TMEM266: variants seen among roughly 807,000 people sequenced by gnomAD.
The protein encoded by TMEM266 is transmembrane protein 266, also known as Hv1 related protein 1.
In TMEM266, 33 loss-of-function variants were observed where a neutral mutation model predicts 50.5. That is an observed-to-expected ratio of 0.65 (90% CI 0.50 to 0.87). The LOEUF is 0.87. Among genes scored for constraint, TMEM266 ranks in the 40% least tolerant of loss-of-function variants. The pLI is 0.00. For missense variants in TMEM266, 655 were observed against 695.1 expected, an observed-to-expected ratio of 0.94 and a Z score of 0.65; for synonymous variants, 310 against 292.3, an observed-to-expected ratio of 1.06 and a Z score of -0.62.
chr15:76,133,078 A>G (rs1041100987), intron 1 of TMEM266, among the ~76,000 whole-genome samples: 3 of 151,948 alleles, frequency 2.0e-5, no homozygotes, highest in African/African-American at 7.3e-5. Flanking sequence ...GCAGTGAGCC[A>G]AGATCGCACC....
chr15:76,189,380 G>GGAAA (rs1156617655), intron 8 of TMEM266, among the ~76,000 whole-genome samples: 1 of 151,320 alleles, frequency 6.6e-6, no homozygotes, highest in Non-Finnish European at 1.5e-5. Context: ...AAGGAAGGAA[G>GGAAA]GAAAGAAGGA....
rs2038021912 is a variant in TMEM266 at position 76,161,775 on chromosome 15, C to T, written c.456+1607C>T. Among the ~76,000 whole-genome samples, 1 of 152,136 alleles carries T rather than the reference C, an allele frequency of 6.6e-6. No individual in the cohort carries two copies. Among genetic ancestry groups the T allele is most frequent in the Admixed American group, 6.5e-5 (1 of 15,286 alleles). On this transcript the variant is annotated intron_variant, in intron 5 of 10. Coordinates refer to ENST00000388942, the MANE Select transcript of TMEM266 (RefSeq NM_152335.3). This position sits in a 1 kb window ranked among gnomAD's most constrained non-coding sequence, Gnocchi z 4.1. ...AGTGCCTGCTCCCCAGCTTACAGCC[C>T]CCATGTGGGTCTTGCCCTCCCTGGC...
chr15:76,128,346 TC>T (rs2037455923), intron 1 of TMEM266, among the ~76,000 whole-genome samples: 2 of 152,324 alleles, frequency 1.3e-5, no homozygotes, highest in Admixed American at 1.3e-4. Context: ...GCCCTAAAAT[TC>T]CAAGGATATT....
At chr15:76,084,726 G>T (rs946786413) in intron 1 of TMEM266, among the ~76,000 whole-genome samples, 7 of 151,258 alleles carry the variant, frequency 4.6e-5, no homozygotes, top group African/African-American at 7.3e-5. Flanking sequence ...TCAACCTCCC[G>T]AGTAGCTGGG....
chr15:76,169,395 G>T (rs1465484735), intron 5 of TMEM266, among the ~76,000 whole-genome samples: 6 of 152,118 alleles, frequency 3.9e-5, no homozygotes, highest in Admixed American at 1.3e-4. Context: ...ACAAGGCCAT[G>T]AGAGAGAGAG....
chr15:76,139,198 T>C lies in TMEM266; in HGVS notation c.227+1303T>C, dbSNP rs1296005977. 6.6e-6 allele frequency among the ~76,000 whole-genome samples: 1 copy of C among 152,230 alleles called. No individual in the cohort carries two copies. The highest frequency in any genetic ancestry group is 1.5e-5 in the Non-Finnish European group (1 of 68,026). On this transcript the variant is annotated intron_variant, in intron 3 of 10. Transcript: ENST00000388942. The surrounding 1 kb of genome is among the most constrained non-coding windows in gnomAD (Gnocchi z 4.1). ...TTGCAGAGCTTGGATTCCCTGGGCT[T>C]GTTTCTGGAAGGAGCTTCCCACTTC... is the stretch of plus-strand genomic sequence containing the variant.
chr15:76,063,717 G>A (rs1817631219), intron 1 of TMEM266, among the ~76,000 whole-genome samples: 1 of 152,200 alleles, frequency 6.6e-6, no homozygotes, highest in Admixed American at 6.5e-5. Flanking sequence ...TGTGTATTTT[G>A]TTCACTCCCC....
At chr15:76,140,871 CAAAA>C (rs3068699) in intron 3 of TMEM266, among the ~76,000 whole-genome samples, 8,818 of 133,492 alleles carry the variant, frequency 0.066, 639 homozygotes, top group African/African-American at 0.18. Flanking sequence ...CCCATCTCTA[CAAAA>C]AAAAAAAAAA....
intron 1 of TMEM266, chr15:76,113,611 A>G (rs1378355023): frequency 3.3e-5 from 5 of 152,272 alleles, no homozygotes; most frequent in Non-Finnish European, 7.3e-5. Context: ...GTGGCAGCGT[A>G]TAGGATGTGC....
chr15:76,125,330 A>G (rs1429259605), intron 1 of TMEM266, among the ~76,000 whole-genome samples: 1 of 152,190 alleles, frequency 6.6e-6, no homozygotes. Context: ...AAAGGAAACA[A>G]CAAAATGAAA....
chr15:76,174,568 A>C (rs2038242527), intron 7 of TMEM266, among the ~76,000 whole-genome samples: 3 of 152,152 alleles, frequency 2.0e-5, no homozygotes, highest in Non-Finnish European at 4.4e-5. Flanking sequence ...TTCACAATTC[A>C]GTGGTTTCTA....
chr15:76,129,712 CTG>C (rs1302314098), intron 1 of TMEM266, among the ~76,000 whole-genome samples: 1 of 151,968 alleles, frequency 6.6e-6, no homozygotes, highest in Non-Finnish European at 1.5e-5. Context: ...ATAATCCAGA[CTG>C]TGGGAAACTT....
chr15:76,093,359 A>C (rs370201840), intron 1 of TMEM266, among the ~76,000 whole-genome samples: 1 of 150,094 alleles, frequency 6.7e-6, no homozygotes, highest in African/African-American at 2.5e-5. Context: ...TCATTGTTCA[A>C]CTCCCACTTA....
At chr15:76,076,567 G>A (rs904358728) in intron 1 of TMEM266, among the ~76,000 whole-genome samples, 1 of 151,994 alleles carries the variant, frequency 6.6e-6, no homozygotes, top group Admixed American at 6.6e-5. Flanking sequence ...ATCCCACTCA[G>A]GAAGAGTTTA....
At chr15:76,182,320 T>A (rs2038425254) in intron 8 of TMEM266, among the ~76,000 whole-genome samples, 1 of 151,946 alleles carries the variant, frequency 6.6e-6, no homozygotes, top group African/African-American at 2.4e-5. Context: ...TCTGGCCTGC[T>A]GGAGGCTTTC....
At chr15:76,138,153 C>T (rs1213459665) in intron 3 of TMEM266, among the ~76,000 whole-genome samples, 8 of 134,844 alleles carry the variant, frequency 5.9e-5, no homozygotes, top group Admixed American at 1.8e-4. Context: ...ACCCGAGAGG[C>T]GGAGGTTGCA....
chr15:76,166,978 G>A (rs2038106695), intron 5 of TMEM266, among the ~76,000 whole-genome samples: 2 of 152,204 alleles, frequency 1.3e-5, no homozygotes, highest in African/African-American at 4.8e-5. Flanking sequence ...AGGAGAAGAA[G>A]GGGGAGGAAG....
chr15:76,200,844 C>T (rs754607996), intron 9 of TMEM266, among the ~76,000 whole-genome samples: 4 of 152,166 alleles, frequency 2.6e-5, no homozygotes, highest in Non-Finnish European at 5.9e-5. Context: ...TCAACCCCAG[C>T]GTTAGTGCAA....
intron 3 of TMEM266, among the ~76,000 whole-genome samples, chr15:76,147,986 A>G (rs2037781218): frequency 6.6e-6 from 1 of 152,276 alleles, no homozygotes; most frequent in Non-Finnish European, 1.5e-5. Context: ...ATAAATTTAA[A>G]AAAGGAAAAA....
Sources: allele counts gnomAD v4.1 joint callset (sites outside exome capture counted in the v4.1 genomes callset), GRCh38; gene constraint gnomAD v4.1.1; non-coding constraint Gnocchi (gnomAD v3.1); transcripts MANE v1.5; gene names NCBI Gene and HGNC (gene_info 2026-07-23, HGNC 2026-07-21).